The following SLC35F5 variants were observed in gnomAD, a reference collection of about 807,000 sequenced individuals.
SLC35F5 encodes the protein solute carrier family 35 member F5, also known as HCV NS5A-transactivated protein 3.
Under a neutral mutation model 68.6 loss-of-function variants are expected in SLC35F5, and 54 were observed. The observed-to-expected ratio is 0.79, with a 90% CI of 0.63 to 0.99. The LOEUF (loss-of-function observed/expected upper bound fraction) is 0.99. Ranked by LOEUF, SLC35F5 falls within the 50% of genes least tolerant of loss-of-function variation. The pLI, the probability that SLC35F5 is intolerant of heterozygous loss-of-function variation, is 0.00. For synonymous variants in SLC35F5, 211 were observed against 205.2 expected (o/e 1.03, Z -0.24); for missense variants, 567 against 626.9 (o/e 0.90, Z 1.02).
chr2:113,718,932 A>G lies in SLC35F5; in HGVS notation c.1496+222T>C, dbSNP rs867180525. On this transcript the variant is annotated intron_variant, in intron 14 of 15. Coordinates refer to ENST00000245680, the MANE Select transcript of SLC35F5 (RefSeq NM_025181.5). Reference sequence around the variant, plus strand: ...AAGAAAGAAAGAAAGAAAGAAAAAGAAAGGAAGAAAGGAAGGAAGGAAGAA... The same window carrying G: ...AAGAAAGAAAGAAAGAAAGAAAAAGGAAGGAAGAAAGGAAGGAAGGAAGAA... 9.2e-3 allele frequency among the ~76,000 whole-genome samples: 1,224 copies of G among 133,154 alleles called. 23 individuals are homozygous for G. The highest frequency in any genetic ancestry group is 0.021 in the African/African-American group (805 of 38,376). The allele number at this position is 133,154 out of a possible 152,430, so 87.4% of individuals were successfully genotyped here. A position where few individuals can be genotyped will look rare whatever the true frequency, so the allele number is the denominator to read the frequency against.
rs1242605342 is a variant in SLC35F5 at position 113,734,625 on chromosome 2, T to A, written c.881A>T (p.Asp294Val). The A allele has an allele frequency of 2.5e-6, 4 of 1,606,504 alleles. No homozygotes were observed. Among genetic ancestry groups the A allele is most frequent in the African/African-American group, 1.3e-5 (1 of 74,804 alleles). The part of the protein sequence containing the change: ...LAAVFPSNSG[D>V]RFTLSKLLAV... ...TAATAGTTTAGAAAGGGTAAATCTA[T>A]CTCCACTGTTACTTGGAAATACTGC... Residue 294 changes from aspartate to valine, a missense_variant, in exon 9 of 16, where the codon GAT becomes GTT. Coordinates refer to ENST00000245680, the MANE Select transcript of SLC35F5 (RefSeq NM_025181.5).
chr2:113,735,756 T>A (rs1459608284), intron 8 of SLC35F5, 21 bp downstream of exon 8: 1 of 1,531,676 alleles, frequency 6.5e-7, no homozygotes, highest in Non-Finnish European at 9.0e-7. Flanking sequence ...TAATGCAGAT[T>A]TTTAAAGACA....
In SLC35F5 at chr2:113,755,285, A is replaced by G; in HGVS notation, c.153T>C (p.Phe51=). 6.2e-7 allele frequency: 1 copy of G among 1,614,208 alleles called. No individual in the cohort carries two copies. The highest frequency in any genetic ancestry group is 1.3e-5 in the African/African-American group (1 of 75,058). The change falls in exon 3 of 16, where the codon TTT becomes TTC. Residue 51 remains phenylalanine (F), a synonymous_variant. Coordinates refer to ENST00000245680, the MANE Select transcript of SLC35F5 (RefSeq NM_025181.5). ...TCTGGGAATTCATTCGGTTCATGAC[A>G]AATACACACACCATTTGCAGTCTGT... ...LKTRLQMVCV[F]VMNRMNSQNS...
intron 4 of SLC35F5, among the ~76,000 whole-genome samples, chr2:113,748,141 T>A (rs1156339224): frequency 3.3e-5 from 5 of 152,102 alleles, no homozygotes; most frequent in Admixed American, 3.3e-4. Context: ...ACAATATGGA[T>A]TAACCTTGAA....
rs959468445 is a variant in SLC35F5 at position 113,709,529 on chromosome 2, A to C, written c.*5689T>G. On this transcript the variant is annotated 3_prime_UTR_variant, in exon 16 of 16. Coordinates refer to ENST00000245680, the MANE Select transcript of SLC35F5 (RefSeq NM_025181.5). ...TTCAATTAGAGTTTCTCATTCTCAC[A>C]GTCTCAGGCAGGTTGCATTAACCTC... Among the ~76,000 whole-genome samples the C allele has an allele frequency of 2.0e-5, 3 of 152,210 alleles. No individual in the cohort carries two copies. Among genetic ancestry groups the C allele is most frequent in the Non-Finnish European group, 2.9e-5 (2 of 68,040 alleles).
intron 5 of SLC35F5, among the ~76,000 whole-genome samples, chr2:113,745,109 C>G (rs1434515665): frequency 6.6e-6 from 1 of 152,148 alleles, no homozygotes; most frequent in South Asian, 2.1e-4. Context: ...GTTTTCATTA[C>G]GGCATCTGGC....
rs1014641570 is a variant in SLC35F5, at chr2:113,708,543, A to G, written c.*6675T>C. ...AACATGGTAAAACCTCCTCTCTACTATAAATACAAAAAATTAGCTGGGCGT... is the reference window on the plus strand; with the variant it reads ...AACATGGTAAAACCTCCTCTCTACTGTAAATACAAAAAATTAGCTGGGCGT... On this transcript the variant is annotated 3_prime_UTR_variant, in exon 16 of 16. Transcript: ENST00000245680. Among the ~76,000 whole-genome samples the G allele has an allele frequency of 6.6e-6, 1 of 151,942 alleles. No individual in the cohort carries two copies. Among genetic ancestry groups the G allele is most frequent in the African/African-American group, 2.4e-5 (1 of 41,374 alleles).
At chr2:113,732,649 C>T (rs11678202) in intron 9 of SLC35F5, among the ~76,000 whole-genome samples, 58,376 of 151,982 alleles carry the variant, frequency 0.38, 11,697 homozygotes, top group Middle Eastern at 0.58. Context: ...TGAGTATCCA[C>T]AATTTATTAG....
chr2:113,726,602 T>A (rs1339876560), intron 11 of SLC35F5, among the ~76,000 whole-genome samples: 1 of 152,128 alleles, frequency 6.6e-6, no homozygotes, highest in Non-Finnish European at 1.5e-5. Flanking sequence ...GAGCACCCAC[T>A]CTCTGTCTGA....
intron 1 of SLC35F5, chr2:113,755,784 G>T: frequency 7.0e-7 from 1 of 1,425,182 alleles, no homozygotes; most frequent in Non-Finnish European, 9.7e-7. Flanking sequence ...TACAACATAC[G>T]GCACATTTAA....
At chr2:113,755,367 T>C in intron 2 of SLC35F5, 61 bp from the exon 3 acceptor site, 1 of 1,606,408 alleles carries the variant, frequency 6.2e-7, no homozygotes, top group Non-Finnish European at 8.5e-7. Flanking sequence ...CCATTAAAAA[T>C]GAGAACATTA....
At chr2:113,750,613 A>G (rs200006195) in intron 3 of SLC35F5, 45 bp from the exon 4 acceptor site, 2 of 1,452,704 alleles carry the variant, frequency 1.4e-6, no homozygotes, top group Non-Finnish European at 1.8e-6. Context: ...ATGACCTTAA[A>G]CCTTATTACT....
rs1244758129 is a variant in SLC35F5 at position 113,714,734 on chromosome 2, C to CAA, written c.*482_*483dup. The CAA allele has an allele frequency of 2.6e-5, 4 of 152,132 alleles. No homozygotes were observed. Among genetic ancestry groups the CAA allele is most frequent in the African/African-American group, 7.2e-5 (3 of 41,418 alleles). The allele number at this position is 152,132 out of a possible 1,614,324, so 9.4% of individuals were successfully genotyped here. ...AAACATTTTTTGTGTGGTTAATTTG[C>CAA]AATATTCTACAAAACCCAAAAATAT... On this transcript the variant is annotated 3_prime_UTR_variant, in exon 16 of 16. Coordinates refer to ENST00000245680, the MANE Select transcript of SLC35F5 (RefSeq NM_025181.5).
At chr2:113,734,766 ATACC>A in intron 8 of SLC35F5, 93 bp from the exon 9 acceptor site, 1 of 688,596 alleles carries the variant, frequency 1.5e-6, no homozygotes, top group East Asian at 2.7e-5. Flanking sequence ...AGCAAATTAT[ATACC>A]TACCTTTCAA....
intron 1 of SLC35F5, chr2:113,755,906 TAA>T (rs1676965443): frequency 6.4e-7 from 1 of 1,550,530 alleles, no homozygotes; most frequent in Non-Finnish European, 8.7e-7. Flanking sequence ...ACACTGTTTC[TAA>T]AAGTGTCTTT....
At chr2:113,729,969 C>T (rs1056512797) in intron 10 of SLC35F5, among the ~76,000 whole-genome samples, 1 of 152,178 alleles carries the variant, frequency 6.6e-6, no homozygotes, top group African/African-American at 2.4e-5. Flanking sequence ...TGCACTACCA[C>T]TCCCATCTTA....
chr2:113,739,624 T>C (rs1160350272), intron 7 of SLC35F5, among the ~76,000 whole-genome samples: 1 of 152,236 alleles, frequency 6.6e-6, no homozygotes, highest in Admixed American at 6.5e-5. Context: ...TTGGGATCTC[T>C]GTTTGCTTGT....
At chr2:113,725,823 A>G (rs1687640306) in intron 11 of SLC35F5, 1 of 241,424 alleles carries the variant, frequency 4.1e-6, no homozygotes, top group Non-Finnish European at 7.9e-6. Context: ...AAGGGTTGTT[A>G]ACCTTAGCTA....
chr2:113,705,945 G>A (rs1438619977), downstream of SLC35F5, among the ~76,000 whole-genome samples: 1 of 152,150 alleles, frequency 6.6e-6, no homozygotes, highest in Non-Finnish European at 1.5e-5. Context: ...AGTAGAGGAG[G>A]GAAGGGATTC....
Sources: gnomAD v4.1 joint callset for allele counts (sites outside exome capture counted in the v4.1 genomes callset) on GRCh38, gnomAD v4.1.1 for gene constraint, MANE v1.5 for transcripts, NCBI Gene and HGNC (gene_info 2026-07-23, HGNC 2026-07-21) for gene names.